Variants in FRYL observed in about 807,000 individuals in gnomAD.
FRYL encodes the protein protein furry homolog-like.
A neutral mutation model predicts 351.2 loss-of-function variants in FRYL; 150 were observed. That is an observed-to-expected ratio of 0.43 (90% CI 0.37 to 0.49). The LOEUF (loss-of-function observed/expected upper bound fraction) is 0.49. FRYL is among the 20% of genes least tolerant of loss of function. The probability of loss-of-function intolerance (pLI) is 0.00; values close to 1 mark genes in which losing one functional copy is unlikely to be tolerated. For synonymous variants in FRYL, 1,153 were observed against 1,257.1 expected, an observed-to-expected ratio of 0.92 and a Z score of 1.75; for missense variants, 3,036 against 3,619.3, an observed-to-expected ratio of 0.84 and a Z score of 4.13.
At chr4:48,777,311 TC>T (rs1459203899) in intron 1 of FRYL, among the ~76,000 whole-genome samples, 1 of 152,184 alleles carries the variant, frequency 6.6e-6, no homozygotes, top group Non-Finnish European at 1.5e-5. Context: ...TGACATATCT[TC>T]CCCCAACAGT....
chr4:48,750,939 T>A (rs189297360), intron 1 of FRYL, among the ~76,000 whole-genome samples: 1 of 152,166 alleles, frequency 6.6e-6, no homozygotes. Flanking sequence ...TGTGTATCAC[T>A]ATACCTGAAC....
At chr4:48,644,412 T>C (rs1024003218) in intron 3 of FRYL, among the ~76,000 whole-genome samples, 1 of 149,912 alleles carries the variant, frequency 6.7e-6, no homozygotes, top group African/African-American at 2.5e-5. Context: ...TCAAGACATA[T>C]ATCAGAACAT....
intron 2 of FRYL, among the ~76,000 whole-genome samples, chr4:48,704,958 A>C (rs1767154964): frequency 6.6e-6 from 1 of 151,496 alleles, no homozygotes; most frequent in Non-Finnish European, 1.5e-5. Flanking sequence ...TCAAAAAAAA[A>C]AAAAAAAAAA....
At chr4:48,621,393 G>C (rs1399058040) in intron 5 of FRYL, among the ~76,000 whole-genome samples, 14 of 152,148 alleles carry the variant, frequency 9.2e-5, no homozygotes, top group Admixed American at 7.9e-4. Context: ...TACTAAATTT[G>C]GGGCATTCTT....
At chr4:48,564,681 T>C (rs141376395) in intron 30 of FRYL, among the ~76,000 whole-genome samples, 7 of 152,340 alleles carry the variant, frequency 4.6e-5, no homozygotes, top group African/African-American at 1.7e-4. Context: ...AGAACCCTGT[T>C]GAGAGACACA....
chr4:48,623,202 TTAAAAA>T (rs1377798080), intron 4 of FRYL, 23 bp from the exon 5 acceptor site: 3 of 1,174,788 alleles, frequency 2.6e-6, no homozygotes, highest in Non-Finnish European at 3.6e-6. Flanking sequence ...AAAACAAACA[TTAAAAA>T]TAAAAATAAA....
chr4:48,740,386 C>A (rs373144724), intron 1 of FRYL, among the ~76,000 whole-genome samples: 1 of 151,280 alleles, frequency 6.6e-6, no homozygotes. Flanking sequence ...CTTCCACCTC[C>A]CAGGTTTAAG....
At chr4:48,552,840 G>C (rs1467236462) in intron 36 of FRYL, among the ~76,000 whole-genome samples, 1 of 152,072 alleles carries the variant, frequency 6.6e-6, no homozygotes, top group Admixed American at 6.5e-5. Context: ...AAAGTAAACT[G>C]AGTAACAAAG....
intron 3 of FRYL, among the ~76,000 whole-genome samples, chr4:48,666,594 C>T (rs1418425418): frequency 4.6e-5 from 7 of 152,130 alleles, no homozygotes; most frequent in African/African-American, 1.7e-4. Context: ...TAAACCCCCA[C>T]TCTAAACCTA....
rs191004548 is a variant in FRYL at position 48,694,155 on chromosome 4, A to G, written c.-203-9360T>C. 3.3e-5 allele frequency among the ~76,000 whole-genome samples: 5 copies of G among 152,284 alleles called. No homozygotes were observed. The East Asian group carries it at 7.7e-4, about 23-fold the overall frequency. On this transcript the variant is annotated intron_variant, in intron 2 of 63. Coordinates refer to ENST00000358350, the MANE Select transcript of FRYL (RefSeq NM_015030.2). ...GAGCACAGCAAAGAGATTAAGCTGC[A>G]TATCTCGGGATGAAGAACAATGGCT...
Position 48,499,681 on chromosome 4 carries a change from C to CT in FRYL, c.8784-2dup. ...AAAGATATCACTGGGCCAGAGAGAT[C>CT]TGAAAATACACAATAGTTTTTCAGT... On this transcript the variant is annotated splice_acceptor_variant, in intron 63 of 63. Coordinates refer to ENST00000358350, the MANE Select transcript of FRYL (RefSeq NM_015030.2). LOFTEE classifies it high-confidence loss of function. The CT allele has an allele frequency of 6.2e-7, 1 of 1,612,792 alleles. No homozygotes were observed. Among genetic ancestry groups the CT allele is most frequent in the Non-Finnish European group, 8.5e-7 (1 of 1,179,254 alleles).
intron 55 of FRYL, among the ~76,000 whole-genome samples, chr4:48,520,322 A>G (rs1724635922): frequency 6.6e-6 from 1 of 152,236 alleles, no homozygotes; most frequent in Admixed American, 6.5e-5. Context: ...TAACAAGAAC[A>G]CAATAGTGTT....
At chr4:48,761,416 C>T (rs779398523) in intron 1 of FRYL, among the ~76,000 whole-genome samples, 7 of 152,192 alleles carry the variant, frequency 4.6e-5, no homozygotes, top group East Asian at 1.9e-4. Context: ...GCCACAGTAA[C>T]GTCAAAAGGC....
intron 19 of FRYL, among the ~76,000 whole-genome samples, chr4:48,584,016 AAAC>A (rs1489064763): frequency 6.6e-6 from 1 of 152,214 alleles, no homozygotes; most frequent in Admixed American, 6.5e-5. Flanking sequence ...AAATACATCA[AAAC>A]AATATGGGGC....
intron 19 of FRYL, among the ~76,000 whole-genome samples, chr4:48,583,120 C>T (rs1259724144): frequency 1.3e-5 from 2 of 151,774 alleles, no homozygotes; most frequent in Non-Finnish European, 2.9e-5. Context: ...TTAATCTTTA[C>T]TATCACTGGC....
chr4:48,554,541 G>T (rs555231028), intron 35 of FRYL, among the ~76,000 whole-genome samples: 1 of 152,248 alleles, frequency 6.6e-6, no homozygotes, highest in East Asian at 1.9e-4. Context: ...GTTTCATCAT[G>T]TTGGCCAGGC....
At chr4:48,656,333 T>TATATTATATAATATATACTAAAG (rs1759034813) in intron 3 of FRYL, among the ~76,000 whole-genome samples, 1 of 127,078 alleles carries the variant, frequency 7.9e-6, no homozygotes, top group Non-Finnish European at 1.6e-5. Flanking sequence ...ATATACTAAA[T>TATATTATATAATATATACTAAAG]ATATTATATA....
chr4:48,750,095 C>T (rs1354812269), intron 1 of FRYL, among the ~76,000 whole-genome samples: 2 of 148,092 alleles, frequency 1.4e-5, no homozygotes, highest in Admixed American at 6.8e-5. Flanking sequence ...GATCATACCA[C>T]TGCACTCCAG....
chr4:48,663,657 C>A (rs1176141605), intron 3 of FRYL, among the ~76,000 whole-genome samples: 1 of 151,068 alleles, frequency 6.6e-6, no homozygotes, highest in Non-Finnish European at 1.5e-5. Flanking sequence ...CGCCTGTAGT[C>A]CCAGCTACTC....
Sources: allele counts gnomAD v4.1 joint callset (sites outside exome capture counted in the v4.1 genomes callset), GRCh38; gene constraint gnomAD v4.1.1; transcripts MANE v1.5; gene names NCBI Gene and HGNC (gene_info 2026-07-23, HGNC 2026-07-21).